The following ATP11B variants were observed in gnomAD, a reference collection of about 807,000 sequenced individuals.
The protein encoded by ATP11B is ATPase phospholipid transporting 11B (putative).
Under a neutral mutation model 157.8 loss-of-function variants are expected in ATP11B, and 81 were observed. That is an observed-to-expected ratio of 0.51 (90% CI 0.43 to 0.62). The LOEUF (loss-of-function observed/expected upper bound fraction) is 0.62. Among genes scored for constraint, ATP11B ranks in the 20% least tolerant of loss-of-function variants. ATP11B has a pLI of 0.00. For synonymous variants in ATP11B, 451 were observed against 469.4 expected (o/e 0.96, Z 0.51); for missense variants, 1,165 against 1,402.2 (o/e 0.83, Z 2.70).
At chr3:182,872,168 C>G (rs1425053795) in intron 17 of ATP11B, among the ~76,000 whole-genome samples, 188 bp from the exon 18 acceptor site, 10 of 152,274 alleles carry the variant, frequency 6.6e-5, no homozygotes, top group South Asian at 6.2e-4. Context: ...GTATATGTGT[C>G]CCATAACTCA....
In ATP11B at chr3:182,879,552, C is replaced by G. The variant is rs1472413591; in HGVS notation, c.2309C>G (p.Ser770Cys). Residue 770 changes from serine (S) to cysteine (C), a missense_variant, in exon 20 of 30, where the codon TCT becomes TGT. This residue lies in a region of ATP11B where 737 missense variants were observed against 930.5 expected (regional missense o/e 0.79). Coordinates refer to ENST00000323116, the MANE Select transcript of ATP11B (RefSeq NM_014616.3). The part of the protein sequence containing the change: ...HGLVVDGTSL[S>C]LALREHEKLF... ...CTGGTAGTGGATGGGACCAGCCTAT[C>G]TCTTGCACTCAGGGAGCATGAAAAA... 2 of 1,613,994 alleles carry G rather than the reference C, an allele frequency of 1.2e-6. No individual in the cohort carries two copies. Among genetic ancestry groups the G allele is most frequent in the African/African-American group, 2.7e-5 (2 of 74,934 alleles).
At chr3:182,915,624 A>T (rs1052473562) in intron 29 of ATP11B, 277 of 967,534 alleles carry the variant, frequency 2.9e-4, no homozygotes, top group East Asian at 3.4e-4. Context: ...TGATTTTTTT[A>T]AAACTAGAAT....
At chr3:182,914,574 T>A in intron 29 of ATP11B, 4 of 985,374 alleles carry the variant, frequency 4.1e-6, no homozygotes, top group Non-Finnish European at 4.8e-6. Flanking sequence ...TGCTTGGTAT[T>A]TATTGCCTAA....
At chr3:182,890,831 A>AC (rs1723124348) in intron 25 of ATP11B, among the ~76,000 whole-genome samples, 1 of 152,242 alleles carries the variant, frequency 6.6e-6, no homozygotes, top group African/African-American at 2.4e-5. Context: ...AGAGAGGTTA[A>AC]GAAACTTGCC....
Position 182,920,356 on chromosome 3 carries a change from T to C in ATP11B, c.*2252T>C, listed in dbSNP as rs1725394166. The stretch of plus-strand genomic sequence containing the variant: ...TTTTAAAGCAAAATTATCTTGTGAT[T>C]TTAAGAAAAGAGTTTTCTATTTATT... On this transcript the variant is annotated 3_prime_UTR_variant, in exon 30 of 30. Transcript: ENST00000323116. The C allele has an allele frequency of 6.6e-6, 1 of 152,228 alleles. No homozygotes were observed. The highest frequency in any genetic ancestry group is 2.4e-5 in the African/African-American group (1 of 41,458). The allele number at this position is 152,228 out of a possible 1,614,324, so 9.4% of individuals were successfully genotyped here. A position where few individuals can be genotyped will look rare whatever the true frequency, so the allele number is the denominator to read the frequency against.
At chr3:182,870,329 CT>C (rs1721561230) in intron 17 of ATP11B, among the ~76,000 whole-genome samples, 1 of 152,218 alleles carries the variant, frequency 6.6e-6, no homozygotes, top group Non-Finnish European at 1.5e-5. Flanking sequence ...AGTCTTAGAA[CT>C]TCATGATCTC....
At chr3:182,858,671 C>T (rs1372360244) in intron 11 of ATP11B, among the ~76,000 whole-genome samples, 1 of 152,014 alleles carries the variant, frequency 6.6e-6, no homozygotes, top group Non-Finnish European at 1.5e-5. Context: ...AATATGGAGC[C>T]GCTAAAGCCG....
chr3:182,863,104 G>C (rs1036413325), intron 12 of ATP11B, among the ~76,000 whole-genome samples: 2 of 151,780 alleles, frequency 1.3e-5, no homozygotes, highest in Non-Finnish European at 2.9e-5. Context: ...TTTTAGTAGA[G>C]ATGGGGTTTC....
chr3:182,808,368 G>A (rs1716455038), intron 1 of ATP11B, among the ~76,000 whole-genome samples: 1 of 152,148 alleles, frequency 6.6e-6, no homozygotes, highest in African/African-American at 2.4e-5. Flanking sequence ...ATACCTTGTG[G>A]ATCCAAATCT....
At chr3:182,906,135 C>G (rs1724333887) in intron 28 of ATP11B, among the ~76,000 whole-genome samples, 2 of 152,114 alleles carry the variant, frequency 1.3e-5, no homozygotes, top group Non-Finnish European at 2.9e-5. Flanking sequence ...TTTAGAGTTC[C>G]AAAGATAAAT....
At chr3:182,830,865 G>C (rs553346132) in intron 4 of ATP11B, among the ~76,000 whole-genome samples, 56 of 151,986 alleles carry the variant, frequency 3.7e-4, no homozygotes, top group African/African-American at 1.3e-3. Context: ...TATATCAGTC[G>C]ATATGCATTT....
At chr3:182,842,871 A>G (rs1170157490) in intron 8 of ATP11B, among the ~76,000 whole-genome samples, 1 of 152,248 alleles carries the variant, frequency 6.6e-6, no homozygotes, top group Non-Finnish European at 1.5e-5. Context: ...TTGCCACATT[A>G]CTAGAATCCC....
intron 8 of ATP11B, 108 bp from the exon 9 acceptor site, chr3:182,845,350 A>C (rs930377344): frequency 2.5e-5 from 23 of 922,650 alleles, no homozygotes; most frequent in Non-Finnish European, 3.7e-5. Flanking sequence ...TTTATATGAA[A>C]GTGGTGTTAT....
intron 28 of ATP11B, among the ~76,000 whole-genome samples, chr3:182,904,247 C>G (rs902351419): frequency 6.6e-6 from 1 of 152,298 alleles, no homozygotes; most frequent in East Asian, 1.9e-4. Context: ...GATCATTTTA[C>G]ATATTGTGGT....
intron 1 of ATP11B, among the ~76,000 whole-genome samples, chr3:182,802,816 T>C (rs1716093938): frequency 6.6e-6 from 1 of 152,170 alleles, no homozygotes; most frequent in Non-Finnish European, 1.5e-5. Context: ...AGTTTTGTTC[T>C]CCATTTAACA....
intron 8 of ATP11B, 58 bp from the exon 9 acceptor site, chr3:182,845,400 A>C (rs1719433375): frequency 1.4e-6 from 2 of 1,420,124 alleles, no homozygotes; most frequent in Non-Finnish European, 1.9e-6. Context: ...ATGCCATTTC[A>C]GAATTGAAGA....
At chr3:182,800,028 T>C (rs1715890472) in intron 1 of ATP11B, among the ~76,000 whole-genome samples, 1 of 151,984 alleles carries the variant, frequency 6.6e-6, no homozygotes, top group Non-Finnish European at 1.5e-5. Context: ...GAGTATTGCT[T>C]GAACACAGGA....
At chr3:182,879,709 A>C in intron 20 of ATP11B, 60 bp downstream of exon 20, 3 of 1,453,472 alleles carry the variant, frequency 2.1e-6, no homozygotes, top group South Asian at 2.9e-5. Flanking sequence ...CATATTATTT[A>C]AAGTTAATGC....
At chr3:182,915,685 T>C (rs1725091878) in intron 29 of ATP11B, 1 of 980,000 alleles carries the variant, frequency 1.0e-6, no homozygotes, top group African/African-American at 1.8e-5. Flanking sequence ...ATATCCATTT[T>C]CTTGATATCG....
Sources: gnomAD v4.1 joint callset for allele counts (sites outside exome capture counted in the v4.1 genomes callset) on GRCh38, gnomAD v4.1.1 for gene constraint, gnomAD v4.1.1 regional missense constraint, MANE v1.5 for transcripts, NCBI Gene and HGNC (gene_info 2026-07-23, HGNC 2026-07-21) for gene names.